ZBTB46: variants seen among roughly 807,000 people sequenced by gnomAD.
The protein encoded by ZBTB46 is zinc finger and BTB domain containing 46, also known as zinc finger and BTB domain-containing protein 46.
ZBTB46 carries 8 observed loss-of-function variants against 44.1 expected under a neutral mutation model. That is an observed-to-expected ratio of 0.18 (90% CI 0.11 to 0.33). The LOEUF (loss-of-function observed/expected upper bound fraction) is 0.33, where lower values mean the gene tolerates loss of function less well. ZBTB46 is among the 10% of genes least tolerant of loss of function. The pLI, the probability that ZBTB46 is intolerant of heterozygous loss-of-function variation, is 1.00. For missense variants in ZBTB46, 651 were observed against 847.7 expected, an observed-to-expected ratio of 0.77 and a Z score of 2.88; for synonymous variants, 409 against 382.3, an observed-to-expected ratio of 1.07 and a Z score of -0.81.
rs549353731 is a variant in ZBTB46, at chr20:63,749,485, C to T, written c.1399-2184G>A. Among the ~76,000 whole-genome samples, 11 of 152,258 alleles carry T rather than the reference C, an allele frequency of 7.2e-5. No individual in the cohort carries two copies. In the South Asian group the frequency reaches 2.1e-3, roughly 29 times the overall value. On this transcript the variant is annotated intron_variant, in intron 4 of 4. Transcript: ENST00000245663. The stretch of plus-strand genomic sequence containing the variant: ...CCAAGTAGCTGGGACTACAGGCACC[C>T]GCCACCACGCCCAGCTAATTTTTTG...
chr20:63,788,899 G>A lies in ZBTB46; in HGVS notation c.937+922C>T, dbSNP rs533001937. Among the ~76,000 whole-genome samples, 9 of 148,584 alleles carry A rather than the reference G, an allele frequency of 6.1e-5. No individual in the cohort carries two copies. The South Asian group carries it at 8.7e-4, about 14-fold the overall frequency. On this transcript the variant is annotated intron_variant, in intron 2 of 4. Coordinates refer to ENST00000245663, the MANE Select transcript of ZBTB46 (RefSeq NM_001369741.1). ...TGCCCAGGTTGGAGTGCAATGGCGC[G>A]ATCTCGGCTCACCACAACCTCCGCC...
At chr20:63,769,466 G>A (rs1406104372) in intron 3 of ZBTB46, 6 of 982,786 alleles carry the variant, frequency 6.1e-6, no homozygotes, top group African/African-American at 1.7e-5. Flanking sequence ...AAGCACTGAC[G>A]ATCTTCCCGG....
intron 1 of ZBTB46, chr20:63,815,243 C>CAT: frequency 3.9e-6 from 1 of 259,728 alleles, no homozygotes; most frequent in Non-Finnish European, 7.5e-6. Context: ...GCAATGGGTG[C>CAT]AGGTGCAGTG....
chr20:63,783,300 G>A (rs1351952748), intron 2 of ZBTB46, among the ~76,000 whole-genome samples: 3 of 151,764 alleles, frequency 2.0e-5, no homozygotes, highest in African/African-American at 7.3e-5. Context: ...GTGGTGGCAC[G>A]TGCCTGTAGT....
chr20:63,802,860 C>T (rs2092657880), intron 1 of ZBTB46, among the ~76,000 whole-genome samples: 1 of 151,968 alleles, frequency 6.6e-6, no homozygotes, highest in Non-Finnish European at 1.5e-5. Flanking sequence ...GAACCTCAGG[C>T]CCCCAGCACC....
chr20:63,778,294 A>G (rs1432869127), intron 2 of ZBTB46, among the ~76,000 whole-genome samples: 1 of 152,278 alleles, frequency 6.6e-6, no homozygotes, highest in Non-Finnish European at 1.5e-5. Context: ...CAGGCCAGCC[A>G]GGGCTTTGTG....
At chr20:63,826,089 G>C (rs927042168) in intron 1 of ZBTB46, among the ~76,000 whole-genome samples, 2 of 152,096 alleles carry the variant, frequency 1.3e-5, no homozygotes, top group Non-Finnish European at 2.9e-5. Flanking sequence ...CGCAGGCCTC[G>C]TGTGCAGCGA....
intron 2 of ZBTB46, among the ~76,000 whole-genome samples, chr20:63,786,940 C>G (rs2092520841): frequency 6.6e-6 from 1 of 152,216 alleles, no homozygotes; most frequent in Admixed American, 6.5e-5. Context: ...GCCTGAGCGA[C>G]TGCACGTGGT....
chr20:63,772,354 G>C (rs2145847918), intron 3 of ZBTB46, among the ~76,000 whole-genome samples: 1 of 152,238 alleles, frequency 6.6e-6, no homozygotes, highest in Middle Eastern at 3.4e-3. Flanking sequence ...AATGAGGTTA[G>C]AACTTAAGAG....
intron 1 of ZBTB46, among the ~76,000 whole-genome samples, chr20:63,802,888 G>A (rs1301059347): frequency 8.5e-5 from 13 of 152,074 alleles, no homozygotes; most frequent in Non-Finnish European, 1.5e-4. Context: ...GAACCGCGGC[G>A]GGCTGATGCC....
intron 3 of ZBTB46, among the ~76,000 whole-genome samples, chr20:63,756,026 T>C (rs1420298344): frequency 3.3e-5 from 5 of 152,226 alleles, no homozygotes; most frequent in Non-Finnish European, 5.9e-5. Flanking sequence ...CGGCTGCGAC[T>C]GTACAGAATT....
At position 63,760,974 on chromosome 20, in the gene ZBTB46, C is replaced by T. The variant is rs1245316240; in HGVS notation, c.1223-8113G>A. On this transcript the variant is annotated intron_variant, in intron 3 of 4. Transcript: ENST00000245663. ...CAGCTACACTGTTGATTTTTGTATG[C>T]CTGCTTTCTACTTCATTGATAGCTC... is the stretch of plus-strand genomic sequence containing the variant. 1.4e-5 allele frequency among the ~76,000 whole-genome samples: 2 copies of T among 147,720 alleles called. 1 individual carries two copies. The highest frequency in any genetic ancestry group is 3.0e-5 in the Non-Finnish European group (2 of 66,442).
At chr20:63,749,615 C>T (rs1171597223) in intron 4 of ZBTB46, among the ~76,000 whole-genome samples, 1 of 152,234 alleles carries the variant, frequency 6.6e-6, no homozygotes, top group African/African-American at 2.4e-5. Context: ...GGATTACAGG[C>T]GTCAGCCACC....
chr20:63,777,582 G>T (rs1247766318), intron 2 of ZBTB46, among the ~76,000 whole-genome samples: 1 of 152,202 alleles, frequency 6.6e-6, no homozygotes, highest in Non-Finnish European at 1.5e-5. Flanking sequence ...AGGTCGGCAG[G>T]TCCTCACAAC....
chr20:63,803,599 G>C lies in ZBTB46; in HGVS notation c.-33-12809C>G. ...TGCCCAGGTCTCTGTCGGAGGCCCTGCCAGCCCCGCCCCTCCCTGCCCACT... is the reference window on the plus strand; with the variant it reads ...TGCCCAGGTCTCTGTCGGAGGCCCTCCCAGCCCCGCCCCTCCCTGCCCACT... On this transcript the variant is annotated intron_variant, in intron 1 of 4. Transcript: ENST00000245663. The surrounding 1 kb of genome is among the most constrained non-coding windows in gnomAD (Gnocchi z 4.0). 7 of 863,764 alleles carry C rather than the reference G, an allele frequency of 8.1e-6. No homozygotes were observed. Among genetic ancestry groups the C allele is most frequent in the Non-Finnish European group, 8.3e-6 (6 of 719,172 alleles). 53.5% of individuals were successfully genotyped at this position (863,764 alleles called of 1,614,324 possible). A position where few individuals can be genotyped will look rare whatever the true frequency, so the allele number is the denominator to read the frequency against.
chr20:63,811,642 G>A (rs1433699368), intron 1 of ZBTB46, among the ~76,000 whole-genome samples: 4 of 152,156 alleles, frequency 2.6e-5, no homozygotes, highest in African/African-American at 7.2e-5. Context: ...GCACGTGTGA[G>A]GGTCAGCTCT....
intron 1 of ZBTB46, among the ~76,000 whole-genome samples, chr20:63,808,988 A>G (rs201637963): frequency 9.2e-4 from 103 of 111,822 alleles, no homozygotes; most frequent in East Asian, 5.3e-3. Flanking sequence ...AAAAAAAAAA[A>G]AAAAAAAAAA....
In ZBTB46 at chr20:63,747,026, C is replaced by A; in HGVS notation, c.1674G>T (p.Glu558Asp). ...CCTTGTCGTCCGCCAACAGCGCATC[C>A]TCAGGGGCCAGGCCCTCGTCGTCCT... The part of the protein sequence containing the change: ...LGEDDEGLAP[E>D]DALLADDKDE... Residue 558 changes from glutamate to aspartate, a missense_variant, in exon 5 of 5, where the codon GAG becomes GAT. Coordinates refer to ENST00000245663, the MANE Select transcript of ZBTB46 (RefSeq NM_001369741.1). 1.9e-6 allele frequency: 3 copies of A among 1,608,330 alleles called. No homozygotes were observed. Among genetic ancestry groups the A allele is most frequent in the Non-Finnish European group, 2.5e-6 (3 of 1,179,510 alleles).
At chr20:63,813,427 G>A (rs1035440399) in intron 1 of ZBTB46, among the ~76,000 whole-genome samples, 1 of 150,752 alleles carries the variant, frequency 6.6e-6, no homozygotes, top group Admixed American at 6.6e-5. Flanking sequence ...CCAGCCTGGA[G>A]ACAGAGCAAG....
Sources: gnomAD v4.1 joint callset for allele counts (sites outside exome capture counted in the v4.1 genomes callset) on GRCh38, gnomAD v4.1.1 for gene constraint, Gnocchi (gnomAD v3.1) non-coding constraint, MANE v1.5 for transcripts, NCBI Gene and HGNC (gene_info 2026-07-23, HGNC 2026-07-21) for gene names.